Variants in TTC33 observed in about 807,000 individuals in gnomAD.
The protein encoded by TTC33 is tetratricopeptide repeat domain 33.
A neutral mutation model predicts 29.4 loss-of-function variants in TTC33; 24 were observed. The ratio of observed to expected loss-of-function variants is 0.82; its 90% CI spans 0.59 to 1.15. The LOEUF is 1.15. Ranked by LOEUF, TTC33 falls within the 50% of genes most tolerant of loss-of-function variation. The probability of loss-of-function intolerance (pLI) is 0.00; values close to 1 mark genes in which losing one functional copy is unlikely to be tolerated. For missense variants in TTC33, 286 were observed against 310.4 expected, an observed-to-expected ratio of 0.92 and a Z score of 0.59; for synonymous variants, 107 against 100.3, an observed-to-expected ratio of 1.07 and a Z score of -0.40.
intron 2 of TTC33, among the ~76,000 whole-genome samples, chr5:40,735,586 G>A (rs1366551957): frequency 6.6e-6 from 1 of 152,202 alleles, no homozygotes; most frequent in Non-Finnish European, 1.5e-5. Flanking sequence ...AGTAAGCCAT[G>A]AAGAAAGAAG....
chr5:40,739,086 C>T (rs558283648), intron 2 of TTC33, among the ~76,000 whole-genome samples: 92 of 152,228 alleles, frequency 6.0e-4, no homozygotes, highest in African/African-American at 2.1e-3. Flanking sequence ...ATTTCTGTAT[C>T]ATATATTATT....
chr5:40,740,764 C>A (rs115770144), intron 2 of TTC33, among the ~76,000 whole-genome samples: 25 of 152,270 alleles, frequency 1.6e-4, no homozygotes, highest in African/African-American at 6.0e-4. Context: ...ATAGCTCTCC[C>A]AGATTTACTC....
At position 40,712,511 on chromosome 5, in the gene TTC33, A is replaced by G. The variant is rs986228158; in HGVS notation, c.*3634T>C. Among the ~76,000 whole-genome samples the G allele has an allele frequency of 2.6e-5, 4 of 152,164 alleles. No individual in the cohort carries two copies. The highest frequency in any genetic ancestry group is 9.7e-5 in the African/African-American group (4 of 41,442). ...GATGTACTTTAAGTTTATGCCAACA[A>G]TAGCCACCAGATATTGAACTTAGAA... On this transcript the variant is annotated 3_prime_UTR_variant, in exon 5 of 5. Coordinates refer to ENST00000337702, the MANE Select transcript of TTC33 (RefSeq NM_012382.3).
chr5:40,754,352 A>C (rs935794046), intron 1 of TTC33, among the ~76,000 whole-genome samples: 3 of 152,230 alleles, frequency 2.0e-5, no homozygotes, highest in African/African-American at 7.2e-5. Context: ...TGAGTGAAAC[A>C]TACAGGCAAG....
rs930399485 is a variant in TTC33, at chr5:40,734,848, A to G, written c.222-4505T>C. Reference sequence around the variant, plus strand: ...ATGCATGTTAGAAGGGGACAGGGAAAGAAAGATAACAAACAGTTAAAATAT... The same window carrying G: ...ATGCATGTTAGAAGGGGACAGGGAAGGAAAGATAACAAACAGTTAAAATAT... On this transcript the variant is annotated intron_variant, in intron 2 of 4. Coordinates refer to ENST00000337702, the MANE Select transcript of TTC33 (RefSeq NM_012382.3). 1.3e-5 allele frequency among the ~76,000 whole-genome samples: 2 copies of G among 152,264 alleles called. 1 individual carries two copies. The highest frequency in any genetic ancestry group is 1.3e-4 in the Admixed American group (2 of 15,290).
At chr5:40,723,129 C>T (rs1742188035) in intron 4 of TTC33, among the ~76,000 whole-genome samples, 1 of 152,066 alleles carries the variant, frequency 6.6e-6, no homozygotes, top group African/African-American at 2.4e-5. Flanking sequence ...AATCTATAAC[C>T]TTACCCCCAA....
intron 2 of TTC33, among the ~76,000 whole-genome samples, chr5:40,730,625 C>A (rs945290520): frequency 1.3e-5 from 2 of 152,158 alleles, no homozygotes; most frequent in Admixed American, 1.3e-4. Context: ...CGGGCAAACA[C>A]CATTCTACTC....
intron 2 of TTC33, among the ~76,000 whole-genome samples, chr5:40,738,073 T>C (rs989370102): frequency 2.0e-5 from 3 of 152,160 alleles, no homozygotes; most frequent in African/African-American, 7.2e-5. Context: ...AATTAGTATC[T>C]AGGAATAAAA....
intron 4 of TTC33, among the ~76,000 whole-genome samples, chr5:40,725,150 A>AT (rs1221514002): frequency 0.015 from 2,022 of 139,268 alleles, 37 homozygotes; most frequent in African/African-American, 0.041. Flanking sequence ...GCCCAGCCAA[A>AT]TTTTTTTTTT....
At chr5:40,730,927 A>G (rs1742412508) in intron 2 of TTC33, among the ~76,000 whole-genome samples, 1 of 152,188 alleles carries the variant, frequency 6.6e-6, no homozygotes, top group Non-Finnish European at 1.5e-5. Context: ...AGTATATACA[A>G]CATTAAATAA....
intron 4 of TTC33, among the ~76,000 whole-genome samples, chr5:40,726,657 T>G (rs1742295796): frequency 6.6e-6 from 1 of 152,034 alleles, no homozygotes. Context: ...TCAAAAAAAT[T>G]TAAATATTAA....
intron 3 of TTC33, 23 bp from the exon 4 acceptor site, chr5:40,728,499 A>T: frequency 6.4e-7 from 1 of 1,572,914 alleles, no homozygotes; most frequent in Non-Finnish European, 8.6e-7. Context: ...AAAGACCAAA[A>T]AATCTGTCAG....
chr5:40,724,643 AAAAC>A (rs551155742), intron 4 of TTC33, among the ~76,000 whole-genome samples: 105 of 152,240 alleles, frequency 6.9e-4, no homozygotes, highest in Non-Finnish European at 1.1e-3. Flanking sequence ...AAAAAAACAA[AAAAC>A]AAACAAACAA....
chr5:40,746,726 T>G (rs1056324878), intron 2 of TTC33, 72 bp downstream of exon 2: 8 of 1,102,542 alleles, frequency 7.3e-6, no homozygotes, highest in Non-Finnish European at 1.0e-5. Flanking sequence ...TTCATAACTC[T>G]TCATCCCATT....
At chr5:40,719,499 G>T (rs1742080365) in intron 4 of TTC33, among the ~76,000 whole-genome samples, 1 of 152,180 alleles carries the variant, frequency 6.6e-6, no homozygotes, top group African/African-American at 2.4e-5. Flanking sequence ...TTTAAATGCT[G>T]CTGCTATGAA....
chr5:40,727,660 G>A (rs1471689391), intron 4 of TTC33, among the ~76,000 whole-genome samples: 1 of 152,122 alleles, frequency 6.6e-6, no homozygotes, highest in Non-Finnish European at 1.5e-5. Flanking sequence ...TCTATCAGCG[G>A]TTTTGTCTCC....
At chr5:40,743,682 G>C (rs1160367220) in intron 2 of TTC33, among the ~76,000 whole-genome samples, 3 of 152,074 alleles carry the variant, frequency 2.0e-5, no homozygotes, top group Non-Finnish European at 2.9e-5. Flanking sequence ...CTGAGGCAGG[G>C]AGGATTGCTT....
rs368418593 is a variant in TTC33, at chr5:40,745,751, A to C, written c.221+1047T>G. Among the ~76,000 whole-genome samples the C allele has an allele frequency of 3.3e-5, 5 of 151,342 alleles. No individual in the cohort carries two copies. The East Asian group carries it at 5.8e-4, about 18-fold the overall frequency. Reference sequence around the variant, plus strand: ...ATACGATTTATTTATTTGTTTATTTATTTGACAGGGTCTCACTCTGTAGCC... The same window carrying C: ...ATACGATTTATTTATTTGTTTATTTCTTTGACAGGGTCTCACTCTGTAGCC... On this transcript the variant is annotated intron_variant, in intron 2 of 4. Coordinates refer to ENST00000337702, the MANE Select transcript of TTC33 (RefSeq NM_012382.3).
intron 4 of TTC33, among the ~76,000 whole-genome samples, chr5:40,720,206 T>C (rs1742095772): frequency 6.6e-6 from 1 of 152,212 alleles, no homozygotes; most frequent in East Asian, 1.9e-4. Flanking sequence ...TCTTTGTTTG[T>C]TTTTGAGTTA....
Sources: gnomAD v4.1 joint callset for allele counts (sites outside exome capture counted in the v4.1 genomes callset) on GRCh38, gnomAD v4.1.1 for gene constraint, MANE v1.5 for transcripts, NCBI Gene and HGNC (gene_info 2026-07-23, HGNC 2026-07-21) for gene names.